SLC4A3: variants seen among roughly 807,000 people sequenced by gnomAD.
The protein encoded by SLC4A3 is solute carrier family 4 member 3.
In SLC4A3, 47 loss-of-function variants were observed where a neutral mutation model predicts 114.2. The observed-to-expected ratio is 0.41, with a 90% CI of 0.33 to 0.52. The LOEUF (loss-of-function observed/expected upper bound fraction) is 0.52, where lower values mean the gene tolerates loss of function less well. SLC4A3 is among the 20% of genes least tolerant of loss of function. SLC4A3 has a pLI of 0.21. For missense variants in SLC4A3, 1,312 were observed against 1,668.3 expected, an observed-to-expected ratio of 0.79 and a Z score of 3.72; for synonymous variants, 693 against 710.3, an observed-to-expected ratio of 0.98 and a Z score of 0.39.
At chr2:219,629,861 A>G (rs1485190744) in intron 5 of SLC4A3, among the ~76,000 whole-genome samples, 166 bp downstream of exon 5, 2 of 81,296 alleles carry the variant, frequency 2.5e-5, no homozygotes, top group African/African-American at 8.9e-5. Flanking sequence ...TGTCCTCATG[A>G]TTTACAAGGA....
intron 10 of SLC4A3, 140 bp downstream of exon 10, chr2:219,633,597 C>T (rs1699015222): frequency 8.3e-6 from 7 of 846,926 alleles, no homozygotes; most frequent in South Asian, 5.9e-5. Flanking sequence ...CTAGAGGAGA[C>T]CCGCATGAGG....
Position 219,631,929 on chromosome 2 carries a change from G to C in SLC4A3, c.812-39G>C. The C allele has an allele frequency of 3.2e-6, 5 of 1,550,920 alleles. No homozygotes were observed. The highest frequency in any genetic ancestry group is 4.4e-6 in the Non-Finnish European group (5 of 1,149,324). On this transcript the variant is annotated intron_variant, in intron 6 of 22. Transcript: ENST00000358055. This position sits in a 1 kb window ranked among gnomAD's most constrained non-coding sequence, Gnocchi z 6.3. ...CTGGGCCGTGACCCCGAGGGCCCCA[G>C]CTGGACCTGTGGGACCCCCAAGCCC... is the stretch of plus-strand genomic sequence containing the variant.
At chr2:219,629,064 G>A in intron 3 of SLC4A3, 80 bp from the exon 4 acceptor site, 1 of 1,474,002 alleles carries the variant, frequency 6.8e-7, no homozygotes, top group Non-Finnish European at 9.0e-7. Context: ...GCGGCCTTGA[G>A]CTGGAAGGTG....
rs149418262 is a variant in SLC4A3 at position 219,635,287 on chromosome 2, C to T, written c.1763C>T (p.Ala588Val). The T allele has an allele frequency of 6.8e-6, 11 of 1,613,916 alleles. No homozygotes were observed. The highest frequency in any genetic ancestry group is 9.3e-6 in the Non-Finnish European group (11 of 1,179,980). ...LMSDKLFHEA[A>V]YQADDRQDLL... Reference sequence around the variant, plus strand: ...TGCCCCCAGCTGTTTCATGAGGCTGCCTACCAGGCAGATGACCGGCAAGAC... The same window carrying T: ...TGCCCCCAGCTGTTTCATGAGGCTGTCTACCAGGCAGATGACCGGCAAGAC... Residue 588 changes from alanine to valine, a missense_variant, in exon 13 of 23, where the codon GCC becomes GTC. By Grantham distance (64) the Ala-to-Val change is moderately conservative. Around this residue, in one of 4 missense-constraint regions of SLC4A3, gnomAD observed 771 missense variants for 977.7 expected, o/e 0.79. Transcript: ENST00000358055.
Position 219,632,875 on chromosome 2 carries a change from A to G in SLC4A3, c.1143A>G (p.Gly381=). The change falls in exon 9 of 23, where the codon GGA becomes GGG. Residue 381 remains glycine (G), a splice_region_variant and synonymous_variant. Transcript: ENST00000358055. The stretch of plus-strand genomic sequence containing the variant: ...CTCTGTGCCTGACTGTCCCCCTAGG[A>G]GCTGCCCTCCTGGACCTGGAGCAAA... ...LLELRRTIAH[G]AALLDLEQTT... is the part of the protein sequence containing the mutation. 1.2e-6 allele frequency: 2 copies of G among 1,614,060 alleles called. No homozygotes were observed. The highest frequency in any genetic ancestry group is 1.7e-6 in the Non-Finnish European group (2 of 1,179,992).
At position 219,629,380 on chromosome 2, in the gene SLC4A3, C is replaced by T. The variant is rs1422566623; in HGVS notation, c.454C>T (p.Pro152Ser). The change falls in exon 4 of 23, where the codon CCT (proline) becomes TCT (serine). Residue 152 changes from proline (P) to serine (S), a missense_variant. By Grantham distance (74) the Pro-to-Ser change is moderately conservative. This residue lies in a region of SLC4A3 where 236 missense variants were observed against 212.1 expected (regional missense o/e 1.11). Transcript: ENST00000358055. Reference protein sequence around the residue: ...EEEEGESEAEPVEPPHSGTPQ... With the variant: ...EEEEGESEAESVEPPHSGTPQ... ...AGAGGAAGGAGAATCTGAGGCAGAA[C>T]CTGTGGAGCCCCCCCACTCAGGGAC... is the stretch of plus-strand genomic sequence containing the variant. 8.8e-6 allele frequency: 14 copies of T among 1,593,462 alleles called. No individual in the cohort carries two copies. The South Asian group carries it at 1.1e-4, about 13-fold the overall frequency.
intron 4 of SLC4A3, 79 bp from the exon 5 acceptor site, chr2:219,629,501 G>A: frequency 6.3e-7 from 1 of 1,591,744 alleles, no homozygotes; most frequent in Non-Finnish European, 8.6e-7. Context: ...GCGTGTTGGG[G>A]GCCTGTGTGA....
chr2:219,630,475 G>T lies in SLC4A3; in HGVS notation c.811+123G>T. On this transcript the variant is annotated intron_variant, in intron 6 of 22. Coordinates refer to ENST00000358055, the MANE Select transcript of SLC4A3 (RefSeq NM_005070.4). This position sits in a 1 kb window ranked among gnomAD's most constrained non-coding sequence, Gnocchi z 6.9. ...CTGAGTCCTCTCTGAATCCCTGTCT[G>T]CTGGGATGTGGCCAGTGATGGGGAC... is the stretch of plus-strand genomic sequence containing the variant. 9.3e-7 allele frequency: 1 copy of T among 1,072,632 alleles called. No homozygotes were observed. The highest frequency in any genetic ancestry group is 1.7e-5 in the South Asian group (1 of 60,548). The allele number at this position is 1,072,632 out of a possible 1,614,324, so 66.4% of individuals were successfully genotyped here. A position where few individuals can be genotyped will look rare whatever the true frequency, so the allele number is the denominator to read the frequency against.
chr2:219,629,442 G>A, intron 4 of SLC4A3, 21 bp downstream of exon 4: 2 of 1,596,942 alleles, frequency 1.3e-6, no homozygotes, highest in Non-Finnish European at 1.7e-6. Context: ...CCCTTTGGAG[G>A]GGTGGCAGGT....
Position 219,634,589 on chromosome 2 carries a change from C to T in SLC4A3, c.1731C>T (p.Thr577=). The T allele has an allele frequency of 6.2e-7, 1 of 1,614,156 alleles. No individual in the cohort carries two copies. Among genetic ancestry groups the T allele is most frequent in the Non-Finnish European group, 8.5e-7 (1 of 1,180,000 alleles). ...DYHELGRSIA[T]LMSDKLFHEA... Reference sequence around the variant, plus strand: ...ACGAGCTTGGGCGCTCCATTGCCACCCTTATGTCTGACAAGGTTGGGCGCG... The same window carrying T: ...ACGAGCTTGGGCGCTCCATTGCCACTCTTATGTCTGACAAGGTTGGGCGCG... The change falls in exon 12 of 23, where the codon ACC becomes ACT. Residue 577 remains threonine (T), a synonymous_variant. Coordinates refer to ENST00000358055, the MANE Select transcript of SLC4A3 (RefSeq NM_005070.4).
chr2:219,632,946 T>C lies in SLC4A3; in HGVS notation c.1214T>C (p.Val405Ala). Residue 405 changes from valine to alanine, a missense_variant, in exon 9 of 23, where the codon GTG (valine) becomes GCG (alanine). Physicochemically the swap from Val to Ala is moderately conservative, Grantham distance 64 (BLOSUM62 0). Coordinates refer to ENST00000358055, the MANE Select transcript of SLC4A3 (RefSeq NM_005070.4). The part of the protein sequence containing the change: ...IAHLVVETMI[V>A]SDQIRPEDRA... Reference sequence around the variant, plus strand: ...CACCTCGTGGTGGAGACCATGATTGTGTCTGACCAGATCCGGCCGGAGGAC... The same window carrying C: ...CACCTCGTGGTGGAGACCATGATTGCGTCTGACCAGATCCGGCCGGAGGAC... 1 of 1,614,118 alleles carries C rather than the reference T, an allele frequency of 6.2e-7. No homozygotes were observed. The highest frequency in any genetic ancestry group is 8.5e-7 in the Non-Finnish European group (1 of 1,180,028).
In SLC4A3 at chr2:219,635,405, T is replaced by C; in HGVS notation, c.1881T>C (p.Ala627=). The C allele has an allele frequency of 1.2e-6, 2 of 1,614,166 alleles. No individual in the cohort carries two copies. Among genetic ancestry groups the C allele is most frequent in the Non-Finnish European group, 1.7e-6 (2 of 1,180,014 alleles). ...EGRDLLRSVA[A]FQRELLRKRR... is the part of the protein sequence containing the mutation. The stretch of plus-strand genomic sequence containing the variant: ...GTGACCTGCTGCGCTCCGTGGCTGC[T>C]TTCCAGCGAGAGCTGCTTAGGAAGC... The change falls in exon 13 of 23, where the codon GCT becomes GCC. Residue 627 remains alanine, a synonymous_variant. Transcript: ENST00000358055.
intron 9 of SLC4A3, 42 bp from the exon 10 acceptor site, chr2:219,633,232 A>G: frequency 6.6e-7 from 1 of 1,522,900 alleles, no homozygotes; most frequent in African/African-American, 1.4e-5. Context: ...TCAGTCTACC[A>G]TGAGCCTCTC....
At position 219,641,240 on chromosome 2, in the gene SLC4A3, G is replaced by A. The variant is rs1048230789; in HGVS notation, c.3621+278G>A. ...GCACGGGGCTGCTGCACACAGCTGTGCAGGTGGTGCCTGACCAAAAACACC... is the reference window on the plus strand; with the variant it reads ...GCACGGGGCTGCTGCACACAGCTGTACAGGTGGTGCCTGACCAAAAACACC... On this transcript the variant is annotated intron_variant, in intron 22 of 22. Coordinates refer to ENST00000358055, the MANE Select transcript of SLC4A3 (RefSeq NM_005070.4). This position sits in a 1 kb window ranked among gnomAD's most constrained non-coding sequence, Gnocchi z 4.0. 6.6e-6 allele frequency among the ~76,000 whole-genome samples: 1 copy of A among 152,196 alleles called. No homozygotes were observed. The highest frequency in any genetic ancestry group is 1.9e-4 in the East Asian group (1 of 5,200).
chr2:219,634,002 G>T lies in SLC4A3; in HGVS notation c.1561+23G>T, dbSNP rs200683751. ...TGGGTGAGGAGGGCCGGGCGCCGGG[G>T]GCAGGGTCTGCAGTGTGTGTGTGCC... On this transcript the variant is annotated intron_variant, in intron 11 of 22. Coordinates refer to ENST00000358055, the MANE Select transcript of SLC4A3 (RefSeq NM_005070.4). 2.0e-6 allele frequency: 3 copies of T among 1,534,002 alleles called. No homozygotes were observed. In the East Asian group the frequency reaches 7.3e-5, roughly 37 times the overall value.
intron 9 of SLC4A3, 50 bp from the exon 10 acceptor site, chr2:219,633,224 A>G (rs1454215356): frequency 6.6e-7 from 1 of 1,506,066 alleles, no homozygotes; most frequent in South Asian, 1.3e-5. Flanking sequence ...TCATGACCTC[A>G]GTCTACCATG....
chr2:219,634,078 A>G lies in SLC4A3; in HGVS notation c.1561+99A>G, dbSNP rs898195357. The stretch of plus-strand genomic sequence containing the variant: ...CTCTGGCCTCGAGGCCGCCTCTTCC[A>G]TCTCCCTCCAGGCTCCCACCTGGTC... On this transcript the variant is annotated intron_variant, in intron 11 of 22. Transcript: ENST00000358055. 18 of 1,361,674 alleles carry G rather than the reference A, an allele frequency of 1.3e-5. No homozygotes were observed. The African/African-American group carries it at 2.2e-4, about 17-fold the overall frequency. The allele number at this position is 1,361,674 out of a possible 1,614,324, so 84.3% of individuals were successfully genotyped here.
At position 219,631,199 on chromosome 2, in the gene SLC4A3, C is replaced by G. The variant is rs1442671326; in HGVS notation, c.812-769C>G. 2.5e-6 allele frequency: 3 copies of G among 1,217,226 alleles called. No individual in the cohort carries two copies. The highest frequency in any genetic ancestry group is 3.2e-6 in the Non-Finnish European group (3 of 944,550). The allele number at this position is 1,217,226 out of a possible 1,614,324, so 75.4% of individuals were successfully genotyped here. A position where few individuals can be genotyped will look rare whatever the true frequency, so the allele number is the denominator to read the frequency against. ...CCACCTTGTAGGAGAGCCGAGGGGT[C>G]TGGTAGGGAGCGGAGGCCGAGGTCT... On this transcript the variant is annotated intron_variant, in intron 6 of 22. Transcript: ENST00000358055. The surrounding 1 kb of genome is among the most constrained non-coding windows in gnomAD (Gnocchi z 6.3).
At position 219,632,453 on chromosome 2, in the gene SLC4A3, C is replaced by G; in HGVS notation, c.1141+11C>G. ...GGACCATCGCCCATGGTAGGGACCCCCAGGCCTGGCCCGAGGCTGCAAGCC... is the reference window on the plus strand; with the variant it reads ...GGACCATCGCCCATGGTAGGGACCCGCAGGCCTGGCCCGAGGCTGCAAGCC... On this transcript the variant is annotated intron_variant, in intron 8 of 22. Coordinates refer to ENST00000358055, the MANE Select transcript of SLC4A3 (RefSeq NM_005070.4). 1 of 1,573,380 alleles carries G rather than the reference C, an allele frequency of 6.4e-7. No homozygotes were observed. The highest frequency in any genetic ancestry group is 8.6e-7 in the Non-Finnish European group (1 of 1,160,038).
Sources: allele counts gnomAD v4.1 joint callset (sites outside exome capture counted in the v4.1 genomes callset), GRCh38; gene constraint gnomAD v4.1.1; regional missense constraint gnomAD v4.1.1; non-coding constraint Gnocchi (gnomAD v3.1); transcripts MANE v1.5; gene names NCBI Gene and HGNC (gene_info 2026-07-23, HGNC 2026-07-21).